SCN11A: variants seen among roughly 807,000 people sequenced by gnomAD.
SCN11A encodes sodium channel protein type 11 subunit alpha.
Under a neutral mutation model 162.2 loss-of-function variants are expected in SCN11A, and 122 were observed. The observed-to-expected ratio is 0.75, with a 90% CI of 0.65 to 0.87. SCN11A has a LOEUF of 0.87. Ranked by LOEUF, SCN11A falls within the 40% of genes least tolerant of loss-of-function variation. The pLI is 0.00. For synonymous variants in SCN11A, 758 were observed against 751.5 expected (o/e 1.01, Z -0.14); for missense variants, 2,015 against 2,181.6 (o/e 0.92, Z 1.52).
intron 2 of SCN11A, among the ~76,000 whole-genome samples, chr3:38,973,068 T>C (rs951660379): frequency 6.6e-6 from 1 of 152,216 alleles, no homozygotes; most frequent in African/African-American, 2.4e-5. Context: ...GTCTACAAGA[T>C]AGTTTAATAA....
chr3:39,012,659 G>A (rs1448476461), intron 2 of SCN11A, among the ~76,000 whole-genome samples: 1 of 151,918 alleles, frequency 6.6e-6, no homozygotes, highest in African/African-American at 2.4e-5. Flanking sequence ...TTTTGTATTA[G>A]AGACAGGGTT....
intron 15 of SCN11A, 59 bp from the exon 16 acceptor site, chr3:38,904,162 T>G: frequency 9.3e-7 from 1 of 1,074,320 alleles, no homozygotes; most frequent in Non-Finnish European, 1.3e-6. Context: ...AGATGCCCTT[T>G]GCCTGAGTGC....
chr3:38,851,605 C>T (rs2126080532), intron 28 of SCN11A, among the ~76,000 whole-genome samples: 1 of 152,362 alleles, frequency 6.6e-6, no homozygotes, highest in East Asian at 1.9e-4. Context: ...TTCCTAAATA[C>T]AAATTCAGAC....
chr3:38,904,468 T>C (rs1316058437), intron 15 of SCN11A, among the ~76,000 whole-genome samples: 1 of 151,906 alleles, frequency 6.6e-6, no homozygotes, highest in Non-Finnish European at 1.5e-5. Context: ...GACCATAAGG[T>C]CAGCTGTAAC....
chr3:39,031,050 G>A (rs2031737048), intron 2 of SCN11A, among the ~76,000 whole-genome samples: 1 of 152,100 alleles, frequency 6.6e-6, no homozygotes, highest in African/African-American at 2.4e-5. Flanking sequence ...AATGGAAAAT[G>A]GACTGGTTTA....
chr3:38,923,558 T>C (rs2066087624), intron 9 of SCN11A, among the ~76,000 whole-genome samples: 1 of 152,174 alleles, frequency 6.6e-6, no homozygotes, highest in Non-Finnish European at 1.5e-5. Flanking sequence ...ACTCCTCTCT[T>C]TTGCTCACAC....
intron 23 of SCN11A, among the ~76,000 whole-genome samples, chr3:38,874,865 C>T (rs1189759994): frequency 6.6e-6 from 1 of 152,066 alleles, no homozygotes; most frequent in Non-Finnish European, 1.5e-5. Flanking sequence ...TTGTTGAATA[C>T]AAAAATAAAA....
Position 38,938,544 on chromosome 3 carries a change from ATATATATTTTTTTTTTTTTTT to A in SCN11A, c.488+6846_488+6866del, listed in dbSNP as rs1347607140. Among the ~76,000 whole-genome samples the A allele has an allele frequency of 7.9e-4, 17 of 21,384 alleles. 1 individual carries two copies. Among genetic ancestry groups the A allele is most frequent in the African/African-American group, 4.6e-3 (17 of 3,700 alleles). The allele number at this position is 21,384 out of a possible 152,430, so 14.0% of individuals were successfully genotyped here. On this transcript the variant is annotated intron_variant, in intron 7 of 29. Coordinates refer to ENST00000302328, the MANE Select transcript of SCN11A (RefSeq NM_001349253.2). The stretch of plus-strand genomic sequence containing the variant: ...TATATATATATATATATATATATAT[ATATATATTTTTTTTTTTTTTT>A]TTTTTTTTTTTTTTTTGAGACAGAG...
At chr3:39,037,714 G>GTA (rs746581437) in intron 1 of SCN11A, among the ~76,000 whole-genome samples, 10 of 152,162 alleles carry the variant, frequency 6.6e-5, no homozygotes, top group Non-Finnish European at 1.5e-4. Context: ...AGAGACTAGA[G>GTA]TATACTTGGA....
At chr3:38,989,198 T>A (rs2030373043) in intron 2 of SCN11A, among the ~76,000 whole-genome samples, 1 of 152,194 alleles carries the variant, frequency 6.6e-6, no homozygotes, top group Admixed American at 6.5e-5. Context: ...CAGCCCTAGT[T>A]GAGCATCCAC....
At chr3:38,906,659 A>G (rs755080149) in intron 14 of SCN11A, among the ~76,000 whole-genome samples, 7 of 152,136 alleles carry the variant, frequency 4.6e-5, no homozygotes, top group South Asian at 2.1e-4. Context: ...GGCACCTCTT[A>G]CTTGGTTACT....
chr3:38,908,960 C>G, intron 13 of SCN11A, 37 bp downstream of exon 13: 1 of 1,601,526 alleles, frequency 6.2e-7, no homozygotes, highest in Non-Finnish European at 8.5e-7. Context: ...CTTCCCCTCC[C>G]CAGAGCAGAT....
At chr3:38,907,734 A>C (rs2065821878) in intron 14 of SCN11A, among the ~76,000 whole-genome samples, 1 of 152,206 alleles carries the variant, frequency 6.6e-6, no homozygotes, top group South Asian at 2.1e-4. Context: ...CACCTATCCC[A>C]GTGCCAAGAA....
At chr3:38,980,831 A>G (rs1448077974) in intron 2 of SCN11A, among the ~76,000 whole-genome samples, 1 of 152,234 alleles carries the variant, frequency 6.6e-6, no homozygotes, top group African/African-American at 2.4e-5. Flanking sequence ...TCATGCTACC[A>G]AGGAAACCAA....
intron 11 of SCN11A, among the ~76,000 whole-genome samples, chr3:38,917,782 T>C (rs1474678809): frequency 1.3e-5 from 2 of 152,190 alleles, no homozygotes; most frequent in Admixed American, 6.5e-5. Flanking sequence ...AACCTGCATA[T>C]GTACCCCTGA....
chr3:38,879,938 T>C lies in SCN11A; in HGVS notation c.3393+12A>G, dbSNP rs943641091. 5.6e-6 allele frequency: 9 copies of C among 1,610,060 alleles called. No homozygotes were observed. Among genetic ancestry groups the C allele is most frequent in the Non-Finnish European group, 6.8e-6 (8 of 1,177,726 alleles). On this transcript the variant is annotated intron_variant, in intron 23 of 29. Coordinates refer to ENST00000302328, the MANE Select transcript of SCN11A (RefSeq NM_001349253.2). ...CCCCAGCCTGTGTGGGACACAGAGA[T>C]GGTAAACTTACAATCACAATGATGA... is the stretch of plus-strand genomic sequence containing the variant.
intron 7 of SCN11A, among the ~76,000 whole-genome samples, chr3:38,937,889 C>G (rs2066362283): frequency 6.6e-6 from 1 of 152,112 alleles, no homozygotes; most frequent in South Asian, 2.1e-4. Flanking sequence ...GGTATATACC[C>G]AAAGGACTAT....
intron 11 of SCN11A, among the ~76,000 whole-genome samples, chr3:38,913,162 A>T (rs532353501): frequency 1.4e-4 from 21 of 152,172 alleles, no homozygotes; most frequent in African/African-American, 4.3e-4. Flanking sequence ...TTTTGACTCT[A>T]ATGATAGCCA....
rs4621271 is a variant in SCN11A at position 39,005,031 on chromosome 3, G to A, written c.-280+27349C>T. ...TCTAAGGATTTCACATGAAAGGGTCGTGTTTGATTTGAGCAAGCAAGGGGT... is the reference window on the plus strand; with the variant it reads ...TCTAAGGATTTCACATGAAAGGGTCATGTTTGATTTGAGCAAGCAAGGGGT... On this transcript the variant is annotated intron_variant, in intron 2 of 29. Transcript: ENST00000302328. 8.1e-3 allele frequency among the ~76,000 whole-genome samples: 1,226 copies of A among 152,298 alleles called. 20 individuals carry two copies. Among genetic ancestry groups the A allele is most frequent in the African/African-American group, 0.028 (1,177 of 41,550 alleles).
Sources: allele counts gnomAD v4.1 joint callset (sites outside exome capture counted in the v4.1 genomes callset), GRCh38; gene constraint gnomAD v4.1.1; transcripts MANE v1.5; gene names NCBI Gene and HGNC (gene_info 2026-07-23, HGNC 2026-07-21).